Variants in B3GALT1 observed in about 807,000 individuals in gnomAD.
B3GALT1 encodes UDP-Gal:betaGlcNAc beta 1,3-galactosyltransferase, polypeptide 1.
A neutral mutation model predicts 23.2 loss-of-function variants in B3GALT1; 10 were observed. The observed-to-expected ratio is 0.43, with a 90% CI of 0.27 to 0.73. The LOEUF is 0.73. Among genes scored for constraint, B3GALT1 ranks in the 30% least tolerant of loss-of-function variants. The pLI is 0.21. For synonymous variants in B3GALT1, 156 were observed against 141.5 expected (o/e 1.10, Z -0.73); for missense variants, 299 against 405.4 (o/e 0.74, Z 2.25).
intron 1 of B3GALT1, among the ~76,000 whole-genome samples, chr2:167,435,220 C>T (rs1698764455): frequency 6.6e-6 from 1 of 151,590 alleles, no homozygotes; most frequent in Admixed American, 6.6e-5. Context: ...TACATAATCA[C>T]AAGTATAAAT....
chr2:167,361,797 G>T (rs866856130), intron 1 of B3GALT1, among the ~76,000 whole-genome samples: 1 of 152,030 alleles, frequency 6.6e-6, no homozygotes, highest in South Asian at 2.1e-4. Flanking sequence ...TTTTGGGCTG[G>T]GCACGGTGGC....
At chr2:167,490,847 A>G (rs1326020093) in intron 2 of B3GALT1, among the ~76,000 whole-genome samples, 1 of 152,206 alleles carries the variant, frequency 6.6e-6, no homozygotes, top group African/African-American at 2.4e-5. Context: ...AAATCAAGAC[A>G]TTGGGTTCTA....
intron 1 of B3GALT1, among the ~76,000 whole-genome samples, chr2:167,297,779 A>G (rs1696377756): frequency 6.6e-6 from 1 of 152,132 alleles, no homozygotes. Flanking sequence ...ATATTTTCAT[A>G]TTAGACAGAA....
chr2:167,345,397 T>G (rs1349431443), intron 1 of B3GALT1, among the ~76,000 whole-genome samples: 1 of 152,140 alleles, frequency 6.6e-6, no homozygotes, highest in Non-Finnish European at 1.5e-5. Flanking sequence ...ACTGAAGTCT[T>G]TAAGCACAGG....
At chr2:167,459,957 A>G (rs912929170) in intron 1 of B3GALT1, among the ~76,000 whole-genome samples, 1 of 152,140 alleles carries the variant, frequency 6.6e-6, no homozygotes, top group African/African-American at 2.4e-5. Flanking sequence ...GGCCTCTAAA[A>G]TTCTGGTGAG....
At chr2:167,842,583 T>C (rs925458944) in intron 4 of B3GALT1, among the ~76,000 whole-genome samples, 2 of 152,138 alleles carry the variant, frequency 1.3e-5, no homozygotes, top group African/African-American at 4.8e-5. Context: ...ATTAATAATA[T>C]TAATATTTGG....
intron 2 of B3GALT1, among the ~76,000 whole-genome samples, chr2:167,523,061 C>T (rs796618569): frequency 4.6e-5 from 7 of 152,286 alleles, no homozygotes; most frequent in African/African-American, 1.7e-4. Context: ...ACACCCATGA[C>T]TCCCCAGAAA....
At chr2:167,730,220 T>C (rs1234458079) in intron 3 of B3GALT1, among the ~76,000 whole-genome samples, 1 of 152,236 alleles carries the variant, frequency 6.6e-6, no homozygotes, top group East Asian at 1.9e-4. Flanking sequence ...GTTTGAGTCC[T>C]TTCCACACAT....
Position 167,762,584 on chromosome 2 carries a change from A to AT in B3GALT1, c.-351-56088_-351-56087insT, listed in dbSNP as rs1454102730. Among the ~76,000 whole-genome samples the AT allele has an allele frequency of 5.9e-5, 9 of 151,924 alleles. No homozygotes were observed. In the East Asian group the frequency reaches 1.7e-3, roughly 29 times the overall value. The stretch of plus-strand genomic sequence containing the variant: ...AAAGGAAGTCTGGACCAAAAATAAA[A>AT]AAAAAAAAAAAACACTAATGAACTG... On this transcript the variant is annotated intron_variant, in intron 3 of 4. Transcript: ENST00000392690.
intron 1 of B3GALT1, among the ~76,000 whole-genome samples, chr2:167,486,445 C>T (rs368731487): frequency 6.6e-5 from 10 of 151,742 alleles, no homozygotes; most frequent in South Asian, 4.2e-4. Context: ...GTATTTAGGC[C>T]GGGCACAGTG....
chr2:167,672,876 A>G (rs941060718), intron 3 of B3GALT1, among the ~76,000 whole-genome samples: 1 of 151,988 alleles, frequency 6.6e-6, no homozygotes, highest in African/African-American at 2.4e-5. Context: ...TTTTATGGCA[A>G]ACCTATTAAT....
rs66820655 is a variant in B3GALT1 at position 167,852,467 on chromosome 2, G to GGTGTGT, written c.-229-16311_-229-16306dup. ...CCCAACTGTCTCTTTTATTCGTGAT[G>GGTGTGT]GTGTGTGTGTGTGTGTGTGTGTGTG... On this transcript the variant is annotated intron_variant, in intron 4 of 4. Transcript: ENST00000392690. Among the ~76,000 whole-genome samples the GGTGTGT allele has an allele frequency of 6.4e-3, 945 of 146,574 alleles. 3 individuals carry two copies. The highest frequency in any genetic ancestry group is 0.013 in the African/African-American group (514 of 39,806).
intron 2 of B3GALT1, among the ~76,000 whole-genome samples, chr2:167,618,883 G>A (rs1685208240): frequency 6.6e-6 from 1 of 151,642 alleles, no homozygotes; most frequent in South Asian, 2.1e-4. Context: ...CTTTCCTGAT[G>A]ATGTTAACAT....
At chr2:167,601,873 TA>T (rs1451585343) in intron 2 of B3GALT1, among the ~76,000 whole-genome samples, 1 of 152,222 alleles carries the variant, frequency 6.6e-6, no homozygotes. Context: ...AGCTTATGCA[TA>T]AAAACCTCAA....
chr2:167,566,906 C>T (rs1446764090), intron 2 of B3GALT1, among the ~76,000 whole-genome samples: 1 of 152,112 alleles, frequency 6.6e-6, no homozygotes, highest in African/African-American at 2.4e-5. Context: ...ATTTTTGAAT[C>T]TTAGATCGTG....
intron 3 of B3GALT1, among the ~76,000 whole-genome samples, chr2:167,781,918 T>C (rs1688251914): frequency 6.6e-6 from 1 of 152,124 alleles, no homozygotes; most frequent in East Asian, 1.9e-4. Flanking sequence ...ATTTTTGTAC[T>C]TTTTAATAGA....
At chr2:167,510,085 C>A (rs1011755880) in intron 2 of B3GALT1, among the ~76,000 whole-genome samples, 1 of 152,120 alleles carries the variant, frequency 6.6e-6, no homozygotes, top group Non-Finnish European at 1.5e-5. Flanking sequence ...AGCAGACTCA[C>A]AATGAATTAT....
At chr2:167,828,542 G>A (rs1008912507) in intron 4 of B3GALT1, among the ~76,000 whole-genome samples, 1 of 152,150 alleles carries the variant, frequency 6.6e-6, no homozygotes, top group Non-Finnish European at 1.5e-5. Flanking sequence ...CAACAGGCAC[G>A]TTTAAAACAT....
intron 2 of B3GALT1, among the ~76,000 whole-genome samples, chr2:167,511,322 TC>T (rs1379338238): frequency 2.0e-5 from 3 of 152,136 alleles, no homozygotes; most frequent in Non-Finnish European, 4.4e-5. Flanking sequence ...GGGATGGTTT[TC>T]CCCCTTCTGT....
Sources: gnomAD v4.1 joint callset for allele counts (sites outside exome capture counted in the v4.1 genomes callset) on GRCh38, gnomAD v4.1.1 for gene constraint, MANE v1.5 for transcripts, NCBI Gene and HGNC (gene_info 2026-07-23, HGNC 2026-07-21) for gene names.